Variants in DRC11 observed in about 807,000 individuals in gnomAD.
DRC11 encodes dynein regulatory complex subunit 11.
chr2:236,421,830 C>A, the DRC11 span, among the ~76,000 whole-genome samples: 69 of 152,302 alleles, frequency 4.5e-4, no homozygotes, highest in East Asian at 0.013. Context: ...CAAAACAAAT[C>A]CAGCAGCACA....
chr2:236,404,487 T>A, the DRC11 span, among the ~76,000 whole-genome samples: 2 of 152,178 alleles, frequency 1.3e-5, no homozygotes, highest in Non-Finnish European at 2.9e-5. Flanking sequence ...GATTTCCAGA[T>A]TATTCGCCCT....
At chr2:236,491,118 AGTGT>A in the DRC11 span, among the ~76,000 whole-genome samples, 20 of 112,584 alleles carry the variant, frequency 1.8e-4, no homozygotes, top group African/African-American at 6.9e-4. Flanking sequence ...ATATATATAC[AGTGT>A]GTATATATAT....
chr2:236,443,979 AT>A, the DRC11 span, among the ~76,000 whole-genome samples: 3,014 of 139,788 alleles, frequency 0.022, 86 homozygotes, highest in African/African-American at 0.068. The surrounding 1 kb of genome is among the most constrained non-coding windows in gnomAD (Gnocchi z 4.4). Flanking sequence ...GGCCACATGA[AT>A]TTTTTTTTTT....
chr2:236,356,482 A>AG, the DRC11 span, among the ~76,000 whole-genome samples: 2 of 152,212 alleles, frequency 1.3e-5, no homozygotes, highest in East Asian at 3.9e-4. Flanking sequence ...GCTTCCCCAG[A>AG]GGCCAGCTGG....
the DRC11 span, among the ~76,000 whole-genome samples, chr2:236,497,004 G>A: frequency 1.3e-5 from 2 of 152,192 alleles, no homozygotes; most frequent in African/African-American, 2.4e-5. The surrounding 1 kb of genome is among the most constrained non-coding windows in gnomAD (Gnocchi z 5.1). Context: ...ATCCTTGTCC[G>A]TGACAGCATG....
the DRC11 span, among the ~76,000 whole-genome samples, chr2:236,505,478 A>T: frequency 5.3e-5 from 8 of 151,746 alleles, no homozygotes; most frequent in African/African-American, 1.9e-4. Flanking sequence ...GGCTCCTGTT[A>T]CCCCCAGAGC....
the DRC11 span, chr2:236,440,910 A>T: frequency 1.6e-6 from 1 of 632,936 alleles, no homozygotes; most frequent in South Asian, 2.1e-5. Flanking sequence ...ATGAACACCC[A>T]AAAGTATTTC....
the DRC11 span, among the ~76,000 whole-genome samples, chr2:236,459,492 CGTATATAT>C: frequency 7.1e-5 from 9 of 127,242 alleles, no homozygotes; most frequent in East Asian, 2.1e-4. Flanking sequence ...AATATGTATA[CGTATATAT>C]GTATACGTAT....
the DRC11 span, among the ~76,000 whole-genome samples, chr2:236,356,957 TAA>T: frequency 5.3e-5 from 6 of 112,894 alleles, 1 homozygote; most frequent in South Asian, 2.4e-4. Context: ...TCATATATCA[TAA>T]ATATATATAT....
the DRC11 span, among the ~76,000 whole-genome samples, chr2:236,487,121 G>A: frequency 1.3e-5 from 2 of 152,156 alleles, no homozygotes; most frequent in Admixed American, 6.5e-5. Context: ...TGTTATTAGT[G>A]AGATTCCTTT....
Sources: allele counts gnomAD v4.1 joint callset (sites outside exome capture counted in the v4.1 genomes callset), GRCh38; gene constraint gnomAD v4.1.1; non-coding constraint Gnocchi (gnomAD v3.1); transcripts MANE v1.5; gene names NCBI Gene and HGNC (gene_info 2026-07-23, HGNC 2026-07-21).